OR2T12: variants seen among roughly 807,000 people sequenced by gnomAD.
OR2T12 encodes the protein olfactory receptor 2T12.
For missense variants in OR2T12, 335 were observed against 404.3 expected (o/e 0.83, Z 1.47); for synonymous variants, 127 against 160.5 (o/e 0.79, Z 1.58).
At chr1:248,301,187 A>G (rs1039614332) in intron 2 of OR2T12, among the ~76,000 whole-genome samples, 186 bp downstream of exon 2, 1 of 152,136 alleles carries the variant, frequency 6.6e-6, no homozygotes, top group African/African-American at 2.4e-5. Flanking sequence ...TATATCACAA[A>G]TTTATAACAG....
chr1:248,297,273 G>A (rs1374415538), intron 2 of OR2T12, among the ~76,000 whole-genome samples: 1 of 152,096 alleles, frequency 6.6e-6, no homozygotes, highest in Admixed American at 6.6e-5. Context: ...AGTATAGTTT[G>A]AAGTCAGGTA....
intron 2 of OR2T12, among the ~76,000 whole-genome samples, chr1:248,296,337 C>G (rs147487247): frequency 6.6e-6 from 1 of 152,140 alleles, no homozygotes; most frequent in African/African-American, 2.4e-5. Flanking sequence ...TTCTTTATAG[C>G]ACCATGATTT....
At chr1:248,301,971 C>A (rs1659817700) in intron 1 of OR2T12, among the ~76,000 whole-genome samples, 1 of 150,794 alleles carries the variant, frequency 6.6e-6, no homozygotes, top group South Asian at 2.1e-4. Flanking sequence ...CCATGAAAAT[C>A]TGGATGAGAA....
At chr1:248,303,314 TAC>T (rs1221961748) in intron 1 of OR2T12, 30 bp downstream of exon 1, 1 of 152,192 alleles carries the variant, frequency 6.6e-6, no homozygotes, top group African/African-American at 2.4e-5. Flanking sequence ...CACTAGCTTA[TAC>T]ACAGTCTTGC....
chr1:248,295,729 C>G, intron 2 of OR2T12, 143 bp from the exon 3 acceptor site: 1 of 1,085,356 alleles, frequency 9.2e-7, no homozygotes, highest in Non-Finnish European at 1.3e-6. Flanking sequence ...CCAGTAGGCA[C>G]AGCTTTTCCT....
Position 248,291,727 on chromosome 1 carries a change from G to C in OR2T12, c.*2889C>G, listed in dbSNP as rs1216239980. The C allele has an allele frequency of 6.6e-6, 1 of 152,124 alleles. No individual in the cohort carries two copies. The highest frequency in any genetic ancestry group is 2.4e-5 in the African/African-American group (1 of 41,430). 9.4% of individuals were successfully genotyped at this position (152,124 alleles called of 1,614,324 possible). ...ACAGTAACCAAAACAGCATGGTACT[G>C]GTACCAAAACAGATATATAGACCAA... On this transcript the variant is annotated 3_prime_UTR_variant, in exon 3 of 3. Coordinates refer to ENST00000641276, the MANE Select transcript of OR2T12 (RefSeq NM_001004692.2).
chr1:248,291,610 A>C lies in OR2T12; in HGVS notation c.*3006T>G, dbSNP rs963062091. On this transcript the variant is annotated 3_prime_UTR_variant, in exon 3 of 3. Transcript: ENST00000641276. Reference sequence around the variant, plus strand: ...AATACTTTAAATTTCATATGGAATCAATAAAGAGCCCATTTAGCCAAGACA... The same window carrying C: ...AATACTTTAAATTTCATATGGAATCCATAAAGAGCCCATTTAGCCAAGACA... The C allele has an allele frequency of 6.6e-6, 1 of 152,222 alleles. No homozygotes were observed. The highest frequency in any genetic ancestry group is 1.5e-5 in the Non-Finnish European group (1 of 68,042). 9.4% of individuals were successfully genotyped at this position (152,222 alleles called of 1,614,324 possible).
chr1:248,300,534 G>C (rs1390391731), intron 2 of OR2T12, among the ~76,000 whole-genome samples: 1 of 152,066 alleles, frequency 6.6e-6, no homozygotes, highest in Non-Finnish European at 1.5e-5. Flanking sequence ...GAAGAGGTGG[G>C]CTTTTAAGGA....
rs1422114232 is a variant in OR2T12 at position 248,290,998 on chromosome 1, T to C, written c.*3618A>G. On this transcript the variant is annotated 3_prime_UTR_variant, in exon 3 of 3. Coordinates refer to ENST00000641276, the MANE Select transcript of OR2T12 (RefSeq NM_001004692.2). ...TTCATATACTTTGCCCACTTTTTGA[T>C]GGGGTTGTTTTTTTTTTCTTATAAA... 1.9e-5 allele frequency: 2 copies of C among 107,100 alleles called. No individual in the cohort carries two copies. Among genetic ancestry groups the C allele is most frequent in the African/African-American group, 7.4e-5 (2 of 26,938 alleles). 6.6% of individuals were successfully genotyped at this position (107,100 alleles called of 1,614,324 possible). A position where few individuals can be genotyped will look rare whatever the true frequency, so the allele number is the denominator to read the frequency against.
At chr1:248,299,668 C>G (rs1572833068) in intron 2 of OR2T12, among the ~76,000 whole-genome samples, 1 of 152,124 alleles carries the variant, frequency 6.6e-6, no homozygotes, top group Admixed American at 6.5e-5. Flanking sequence ...TTGAACTCAG[C>G]TCTGCACCAA....
At position 248,294,928 on chromosome 1, in the gene OR2T12, A is replaced by G; in HGVS notation, c.651T>C (p.Gly217=). 2 of 1,611,860 alleles carry G rather than the reference A, an allele frequency of 1.2e-6. No individual in the cohort carries two copies. Among genetic ancestry groups the G allele is most frequent in the Non-Finnish European group, 1.7e-6 (2 of 1,179,832 alleles). Residue 217 remains glycine (G), a synonymous_variant, in exon 3 of 3, where the codon GGT becomes GGC. Coordinates refer to ENST00000641276, the MANE Select transcript of OR2T12 (RefSeq NM_001004692.2). ...TGAGCAGAACAGCAGCGAGGATGAG[A>G]CCATAGGAGGACAGGATGAGGGAAA... ...VPFSLILSSY[G]LILAAVLLMR...
rs142357728 is a variant in OR2T12, at chr1:248,295,176, T to C, written c.403A>G (p.Ser135Gly). The C allele has an allele frequency of 5.0e-3, 8,002 of 1,606,540 alleles. 163 individuals carry two copies. The African/African-American group carries it at 0.093, about 19-fold the overall frequency. The change falls in exon 3 of 3, where the codon AGC becomes GGC. Residue 135 changes from serine (S) to glycine (G), a missense_variant. Coordinates refer to ENST00000641276, the MANE Select transcript of OR2T12 (RefSeq NM_001004692.2). Reference protein sequence around the residue: ...CHPLRYPTLMSWQLCLRMTMS... With the variant: ...CHPLRYPTLMGWQLCLRMTMS... ...GTCATCCTCAGGCACAGCTGCCAGC[T>C]CATGAGAGTGGGATATCGGAGTGGG...
intron 2 of OR2T12, among the ~76,000 whole-genome samples, chr1:248,298,685 A>G (rs561005755): frequency 1.9e-4 from 29 of 151,070 alleles, no homozygotes; most frequent in Non-Finnish European, 2.8e-4. Flanking sequence ...TTTCTGTGGG[A>G]TCGGTGGTGA....
chr1:248,296,449 G>C (rs1659729649), intron 2 of OR2T12, among the ~76,000 whole-genome samples: 1 of 152,180 alleles, frequency 6.6e-6, no homozygotes, highest in African/African-American at 2.4e-5. Context: ...CACAATGGTT[G>C]AACGAGTTTA....
chr1:248,301,782 T>C (rs1393884182), intron 1 of OR2T12, among the ~76,000 whole-genome samples: 1 of 152,146 alleles, frequency 6.6e-6, no homozygotes, highest in East Asian at 1.9e-4. Flanking sequence ...TTTTTTTAAA[T>C]GTCTTTTTTA....
At chr1:248,296,285 T>C (rs1246214817) in intron 2 of OR2T12, among the ~76,000 whole-genome samples, 2 of 152,216 alleles carry the variant, frequency 1.3e-5, no homozygotes, top group African/African-American at 4.8e-5. Flanking sequence ...TCCAAGTCTT[T>C]GCTATTGTGA....
At position 248,293,987 on chromosome 1, in the gene OR2T12, T is replaced by C. The variant is rs1659673473; in HGVS notation, c.*629A>G. Reference sequence around the variant, plus strand: ...TTTGAGTTGTGTACTTCCCCTTTTGTCATGCATCTATATTTTAAAATATAA... The same window carrying C: ...TTTGAGTTGTGTACTTCCCCTTTTGCCATGCATCTATATTTTAAAATATAA... On this transcript the variant is annotated 3_prime_UTR_variant, in exon 3 of 3. Transcript: ENST00000641276. 6.6e-6 allele frequency: 1 copy of C among 152,170 alleles called. No homozygotes were observed. Among genetic ancestry groups the C allele is most frequent in the African/African-American group, 2.4e-5 (1 of 41,450 alleles). The allele number at this position is 152,170 out of a possible 1,614,324, so 9.4% of individuals were successfully genotyped here.
rs1214854938 is a variant in OR2T12 at position 248,294,006 on chromosome 1, A to G, written c.*610T>C. 1 of 152,200 alleles carries G rather than the reference A, an allele frequency of 6.6e-6. No homozygotes were observed. The highest frequency in any genetic ancestry group is 2.4e-5 in the African/African-American group (1 of 41,458). 9.4% of individuals were successfully genotyped at this position (152,200 alleles called of 1,614,324 possible). A position where few individuals can be genotyped will look rare whatever the true frequency, so the allele number is the denominator to read the frequency against. On this transcript the variant is annotated 3_prime_UTR_variant, in exon 3 of 3. Transcript: ENST00000641276. ...CTTTTGTCATGCATCTATATTTTAA[A>G]ATATAACTTAAAAATAATGTTATTT... is the stretch of plus-strand genomic sequence containing the variant.
intron 2 of OR2T12, among the ~76,000 whole-genome samples, chr1:248,298,517 C>T (rs1659767417): frequency 6.6e-6 from 1 of 151,822 alleles, no homozygotes; most frequent in Non-Finnish European, 1.5e-5. Flanking sequence ...TGATTATTGC[C>T]ACAATTTCAG....
Sources: gnomAD v4.1 joint callset for allele counts (sites outside exome capture counted in the v4.1 genomes callset) on GRCh38, gnomAD v4.1.1 for gene constraint, MANE v1.5 for transcripts, NCBI Gene and HGNC (gene_info 2026-07-23, HGNC 2026-07-21) for gene names.